The following DPH6 variants were observed in gnomAD, a reference collection of about 807,000 sequenced individuals.
The protein encoded by DPH6 is diphthamine biosynthesis 6.
A neutral mutation model predicts 38.2 loss-of-function variants in DPH6; 33 were observed. The observed-to-expected ratio is 0.86, with a 90% confidence interval of 0.65 to 1.15. The LOEUF is 1.15. DPH6 is among the 50% of genes most tolerant of loss of function. The pLI is 0.00. For synonymous variants in DPH6, 108 were observed against 103.0 expected (o/e 1.05, Z -0.30); for missense variants, 325 against 320.0 (o/e 1.02, Z -0.12).
At position 35,371,457 on chromosome 15, in the gene DPH6, G is replaced by C. The variant is rs1333205324; in HGVS notation, c.*693C>G. The C allele has an allele frequency of 2.2e-6, 1 of 460,988 alleles. No individual in the cohort carries two copies. Among genetic ancestry groups the C allele is most frequent in the African/African-American group, 2.1e-5 (1 of 47,120 alleles). The allele number at this position is 460,988 out of a possible 1,614,324, so 28.6% of individuals were successfully genotyped here. The stretch of plus-strand genomic sequence containing the variant: ...GGGAGGCTGTGAATGTGTGGAGGTA[G>C]AGGGTATATGGGAAATCTCTGCATT... On this transcript the variant is annotated 3_prime_UTR_variant, in exon 9 of 9. Transcript: ENST00000256538.
the DPH6 span, among the ~76,000 whole-genome samples, chr15:35,180,946 T>C: frequency 6.6e-6 from 1 of 152,214 alleles, no homozygotes; most frequent in African/African-American, 2.4e-5. Flanking sequence ...AAAGGCAATA[T>C]AAAAATACAA....
At chr15:35,537,833 AT>A (rs2055193168) in intron 3 of DPH6, among the ~76,000 whole-genome samples, 1 of 152,022 alleles carries the variant, frequency 6.6e-6, no homozygotes, top group South Asian at 2.1e-4. Context: ...CATGTTATTT[AT>A]TGTTTATTGT....
chr15:35,285,874 T>TTTTTTTTTTTTTTTTTTTG (rs2051939993), intron 3 of DPH6, among the ~76,000 whole-genome samples: 1 of 132,882 alleles, frequency 7.5e-6, no homozygotes, highest in East Asian at 2.3e-4. Context: ...ATCTTTGAGT[T>TTTTTTTTTTTTTTTTTTTG]TTTTTTTTTT....
At chr15:35,277,005 A>C (rs954381617) in intron 3 of DPH6, among the ~76,000 whole-genome samples, 2 of 152,136 alleles carry the variant, frequency 1.3e-5, no homozygotes, top group Non-Finnish European at 2.9e-5. Flanking sequence ...CTGAATTTGT[A>C]GATTGCTTTT....
intron 3 of DPH6, among the ~76,000 whole-genome samples, chr15:35,273,296 C>A (rs1013545126): frequency 2.0e-5 from 3 of 152,156 alleles, no homozygotes; most frequent in Admixed American, 1.3e-4. Flanking sequence ...ATCCTTCACC[C>A]CCTTCTCACG....
chr15:35,274,769 T>C (rs1185001705), intron 3 of DPH6, among the ~76,000 whole-genome samples: 1 of 152,080 alleles, frequency 6.6e-6, no homozygotes, highest in Non-Finnish European at 1.5e-5. Context: ...TGTGGAGAAA[T>C]AGGAATGCTT....
At chr15:35,212,808 C>T (rs1403319730), downstream of DPH6, among the ~76,000 whole-genome samples, 1 of 152,166 alleles carries the variant, frequency 6.6e-6, no homozygotes, top group Admixed American at 6.5e-5. Flanking sequence ...ATAAACTAGT[C>T]TTTGTATTCT....
the DPH6 span, among the ~76,000 whole-genome samples, chr15:35,186,798 C>T: frequency 1.3e-5 from 2 of 152,024 alleles, no homozygotes; most frequent in South Asian, 4.1e-4. Flanking sequence ...ACCATGTTGG[C>T]AAGGATGTGG....
intron 6 of DPH6, among the ~76,000 whole-genome samples, chr15:35,398,563 A>G (rs552822861): frequency 6.6e-6 from 1 of 152,308 alleles, no homozygotes; most frequent in East Asian, 1.9e-4. Context: ...CCGCCTTCCT[A>G]CATACATTGC....
chr15:35,446,666 G>A (rs2053858079), intron 5 of DPH6, among the ~76,000 whole-genome samples: 1 of 152,128 alleles, frequency 6.6e-6, no homozygotes, highest in Non-Finnish European at 1.5e-5. Flanking sequence ...CAGGCTATTA[G>A]TAGTTAAATT....
At chr15:35,537,541 A>C (rs1290056229) in intron 3 of DPH6, among the ~76,000 whole-genome samples, 1 of 152,180 alleles carries the variant, frequency 6.6e-6, no homozygotes, top group African/African-American at 2.4e-5. Flanking sequence ...TACTGAGTAT[A>C]GTAACTATTA....
chr15:35,468,237 T>G (rs1426673555), intron 3 of DPH6, among the ~76,000 whole-genome samples: 2 of 152,202 alleles, frequency 1.3e-5, no homozygotes, highest in Non-Finnish European at 2.9e-5. Flanking sequence ...CAAGAGAGCT[T>G]TTATTAATTT....
chr15:35,208,379 T>G, the DPH6 span, among the ~76,000 whole-genome samples: 1 of 152,178 alleles, frequency 6.6e-6, no homozygotes, highest in African/African-American at 2.4e-5. Context: ...CTCTCAGATA[T>G]GCAAGCAAGC....
intron 5 of DPH6, among the ~76,000 whole-genome samples, chr15:35,447,286 A>G (rs1254634768): frequency 1.3e-5 from 2 of 152,190 alleles, no homozygotes; most frequent in African/African-American, 4.8e-5. Flanking sequence ...ACTCAACTTT[A>G]GCAAGAATGG....
intron 3 of DPH6, among the ~76,000 whole-genome samples, chr15:35,221,064 A>G (rs2051439067): frequency 6.6e-6 from 1 of 152,250 alleles, no homozygotes; most frequent in Non-Finnish European, 1.5e-5. Context: ...AACAGGCAAA[A>G]GATGAACATT....
At chr15:35,318,710 A>C (rs946912625) in intron 3 of DPH6, among the ~76,000 whole-genome samples, 3 of 152,158 alleles carry the variant, frequency 2.0e-5, no homozygotes, top group African/African-American at 7.2e-5. Context: ...CCTAAGAACC[A>C]CTAGAAGTCT....
intron 3 of DPH6, among the ~76,000 whole-genome samples, chr15:35,295,995 A>G (rs1436975880): frequency 6.6e-6 from 1 of 151,820 alleles, no homozygotes; most frequent in Non-Finnish European, 1.5e-5. Flanking sequence ...GCTGGAGTGC[A>G]GTGGCGCGAT....
At chr15:35,319,284 T>A (rs2052219434) in intron 3 of DPH6, among the ~76,000 whole-genome samples, 1 of 152,044 alleles carries the variant, frequency 6.6e-6, no homozygotes, top group Non-Finnish European at 1.5e-5. Flanking sequence ...CCCTCAAATC[T>A]TAAGATGATA....
At chr15:35,503,044 A>G (rs2054648323) in intron 3 of DPH6, among the ~76,000 whole-genome samples, 1 of 151,182 alleles carries the variant, frequency 6.6e-6, no homozygotes, top group African/African-American at 2.4e-5. Flanking sequence ...CTTGTCCAGA[A>G]AAAAGTCCTT....
Sources: gnomAD v4.1 joint callset for allele counts (sites outside exome capture counted in the v4.1 genomes callset) on GRCh38, gnomAD v4.1.1 for gene constraint, MANE v1.5 for transcripts, NCBI Gene and HGNC (gene_info 2026-07-23, HGNC 2026-07-21) for gene names.